Variants in LHFPL3 observed in about 807,000 individuals in gnomAD.
LHFPL3 encodes the protein LHFPL tetraspan subfamily member 3 protein.
LHFPL3 carries 5 observed loss-of-function variants against 19.3 expected under a neutral mutation model. That is an observed-to-expected ratio of 0.26 (90% CI 0.14 to 0.54). The LOEUF is 0.54. Among genes scored for constraint, LHFPL3 ranks in the 20% least tolerant of loss-of-function variants. The probability of loss-of-function intolerance (pLI) is 0.94; values close to 1 mark genes in which losing one functional copy is unlikely to be tolerated. For missense variants in LHFPL3, 249 were observed against 307.4 expected (o/e 0.81, Z 1.42); for synonymous variants, 133 against 126.2 (o/e 1.05, Z -0.36).
At position 104,618,137 on chromosome 7, in the gene LHFPL3, G is replaced by A. The variant is rs117986303; in HGVS notation, c.446-118538G>A. Reference sequence around the variant, plus strand: ...CAATGCAACACAAAAGAAGCCAAGAGATGTTTTTCATCCTGGCTCCTTACT... The same window carrying A: ...CAATGCAACACAAAAGAAGCCAAGAAATGTTTTTCATCCTGGCTCCTTACT... On this transcript the variant is annotated intron_variant, in intron 1 of 2. Transcript: ENST00000424859. Among the ~76,000 whole-genome samples the A allele has an allele frequency of 5.5e-3, 834 of 152,250 alleles. 2 individuals are homozygous for A. The highest frequency in any genetic ancestry group is 8.3e-3 in the Non-Finnish European group (563 of 68,014).
chr7:104,633,009 G>A (rs147460330), intron 1 of LHFPL3, among the ~76,000 whole-genome samples: 4 of 152,292 alleles, frequency 2.6e-5, no homozygotes, highest in African/African-American at 4.8e-5. Flanking sequence ...ATAATCATGT[G>A]AGCATCTCAG....
At chr7:104,430,411 T>C (rs1323294389) in intron 1 of LHFPL3, among the ~76,000 whole-genome samples, 4 of 29,464 alleles carry the variant, frequency 1.4e-4, no homozygotes, top group South Asian at 1.2e-3. Context: ...TATACATATA[T>C]ATATATACAT....
chr7:104,840,474 C>CTTT (rs71155530), intron 2 of LHFPL3, among the ~76,000 whole-genome samples: 22 of 65,582 alleles, frequency 3.4e-4, no homozygotes, highest in Non-Finnish European at 4.6e-4. Flanking sequence ...TTTTCTTTTC[C>CTTT]TTTTTTTTTT....
intron 2 of LHFPL3, among the ~76,000 whole-genome samples, chr7:104,748,356 G>A (rs1794090929): frequency 6.9e-6 from 1 of 144,904 alleles, no homozygotes; most frequent in South Asian, 2.4e-4. Context: ...TCTGTGCTGA[G>A]GAGGATTAGT....
At chr7:104,570,857 A>T (rs909364438) in intron 1 of LHFPL3, among the ~76,000 whole-genome samples, 1 of 152,152 alleles carries the variant, frequency 6.6e-6, no homozygotes, top group Non-Finnish European at 1.5e-5. Flanking sequence ...AGTAAGCTCT[A>T]TGCTGCTTTC....
At chr7:104,495,066 A>G (rs1470550452) in intron 1 of LHFPL3, among the ~76,000 whole-genome samples, 2 of 152,152 alleles carry the variant, frequency 1.3e-5, no homozygotes, top group South Asian at 2.1e-4. Flanking sequence ...TGGTTTCCCA[A>G]TATATCACTC....
At chr7:104,552,306 T>C (rs538496598) in intron 1 of LHFPL3, among the ~76,000 whole-genome samples, 3 of 152,286 alleles carry the variant, frequency 2.0e-5, no homozygotes, top group African/African-American at 4.8e-5. Flanking sequence ...GTCAGCACCA[T>C]GGACAGCTCA....
chr7:104,473,111 C>T (rs1439772928), intron 1 of LHFPL3, among the ~76,000 whole-genome samples: 1 of 152,184 alleles, frequency 6.6e-6, no homozygotes, highest in Non-Finnish European at 1.5e-5. Context: ...AAACAAATGG[C>T]TCAGCATTAC....
rs186803868 is a variant in LHFPL3, at chr7:104,600,751, T to C, written c.446-135924T>C. Reference sequence around the variant, plus strand: ...TGGCCTATAAGGGGATGTACTGTTGTTTCATTCATTCTTCACAGTGTACCT... The same window carrying C: ...TGGCCTATAAGGGGATGTACTGTTGCTTCATTCATTCTTCACAGTGTACCT... On this transcript the variant is annotated intron_variant, in intron 1 of 2. Transcript: ENST00000424859. Among the ~76,000 whole-genome samples, 10 of 152,326 alleles carry C rather than the reference T, an allele frequency of 6.6e-5. No individual in the cohort carries two copies. The East Asian group carries it at 1.5e-3, about 24-fold the overall frequency.
intron 2 of LHFPL3, among the ~76,000 whole-genome samples, chr7:104,772,088 G>T (rs1361696305): frequency 6.6e-6 from 1 of 151,934 alleles, no homozygotes; most frequent in Non-Finnish European, 1.5e-5. Flanking sequence ...AAAGTGCTGG[G>T]ATTATAGGAA....
chr7:104,534,486 T>G (rs1047457602), intron 1 of LHFPL3, among the ~76,000 whole-genome samples: 1 of 152,212 alleles, frequency 6.6e-6, no homozygotes, highest in Non-Finnish European at 1.5e-5. Context: ...TCCATTACAG[T>G]GCTTGATGGT....
chr7:104,343,312 A>G (rs534787488), intron 1 of LHFPL3, among the ~76,000 whole-genome samples: 1 of 152,042 alleles, frequency 6.6e-6, no homozygotes, highest in African/African-American at 2.4e-5. Flanking sequence ...CAGGGGTTCA[A>G]GACCAGCCTG....
chr7:104,530,967 A>G (rs1794283784), intron 1 of LHFPL3, among the ~76,000 whole-genome samples: 1 of 152,174 alleles, frequency 6.6e-6, no homozygotes, highest in Non-Finnish European at 1.5e-5. Context: ...CTCTAGTGGG[A>G]AGTGCTTTAC....
intron 1 of LHFPL3, among the ~76,000 whole-genome samples, chr7:104,704,612 T>G (rs938326763): frequency 6.7e-6 from 1 of 149,308 alleles, no homozygotes; most frequent in Non-Finnish European, 1.5e-5. Context: ...AGCAGGCAGG[T>G]GATATCTTAA....
At chr7:104,436,965 C>T (rs1792119908) in intron 1 of LHFPL3, among the ~76,000 whole-genome samples, 1 of 152,040 alleles carries the variant, frequency 6.6e-6, no homozygotes, top group Non-Finnish European at 1.5e-5. Flanking sequence ...GAAATATCTC[C>T]ATATGTTTAT....
At chr7:104,424,534 C>A (rs2116540700) in intron 1 of LHFPL3, among the ~76,000 whole-genome samples, 1 of 152,282 alleles carries the variant, frequency 6.6e-6, no homozygotes, top group African/African-American at 2.4e-5. Context: ...TATAGCCCCC[C>A]AAACAATAAA....
At chr7:104,832,749 G>C (rs1418200330) in intron 2 of LHFPL3, among the ~76,000 whole-genome samples, 2 of 149,054 alleles carry the variant, frequency 1.3e-5, no homozygotes, top group African/African-American at 5.0e-5. Context: ...GGCTGAGGCA[G>C]GTGGATCACT....
chr7:104,668,190 G>A (rs1792396953), intron 1 of LHFPL3: 2 of 1,613,796 alleles, frequency 1.2e-6, no homozygotes, highest in Admixed American at 3.3e-5. Context: ...TGAGGACCTG[G>A]ATTCCCTGCT....
intron 1 of LHFPL3, among the ~76,000 whole-genome samples, chr7:104,495,502 G>GCCTC (rs1292266902): frequency 3.9e-5 from 6 of 152,286 alleles, no homozygotes; most frequent in African/African-American, 1.4e-4. Context: ...TCCTGCCTCA[G>GCCTC]CCTCCCAAGT....
Sources: gnomAD v4.1 joint callset for allele counts (sites outside exome capture counted in the v4.1 genomes callset) on GRCh38, gnomAD v4.1.1 for gene constraint, MANE v1.5 for transcripts, NCBI Gene and HGNC (gene_info 2026-07-23, HGNC 2026-07-21) for gene names.